Variants in BANK1 observed in about 807,000 individuals in gnomAD.
The protein encoded by BANK1 is B cell scaffold protein with ankyrin repeats 1.
In BANK1, 95 loss-of-function variants were observed where a neutral mutation model predicts 94.5. The observed-to-expected ratio is 1.00, with a 90% CI of 0.85 to 1.19. The LOEUF (loss-of-function observed/expected upper bound fraction) is 1.19, where lower values mean the gene tolerates loss of function less well. Among genes scored for constraint, BANK1 ranks in the 50% most tolerant of loss-of-function variants. BANK1 has a pLI of 0.00. For missense variants in BANK1, 987 were observed against 932.2 expected (o/e 1.06, Z -0.77); for synonymous variants, 334 against 308.4 (o/e 1.08, Z -0.87).
At chr4:101,950,018 G>GGT (rs6148602) in intron 7 of BANK1, among the ~76,000 whole-genome samples, 6,235 of 149,272 alleles carry the variant, frequency 0.042, 230 homozygotes, top group Admixed American at 0.13. Context: ...GGAAGTAAGG[G>GGT]GTGTGTGTGT....
intron 2 of BANK1, among the ~76,000 whole-genome samples, chr4:101,839,873 G>A (rs951751395): frequency 7.3e-6 from 1 of 137,128 alleles, no homozygotes; most frequent in Non-Finnish European, 1.6e-5. Flanking sequence ...AGACAAAGGA[G>A]ATATACAATT....
intron 1 of BANK1, among the ~76,000 whole-genome samples, chr4:101,810,654 C>T (rs1021182785): frequency 3.3e-5 from 5 of 152,108 alleles, no homozygotes; most frequent in African/African-American, 1.2e-4. Flanking sequence ...TATTTACAAT[C>T]AGTGGTTTTA....
chr4:101,805,203 G>A (rs1358139240), intron 1 of BANK1, among the ~76,000 whole-genome samples: 1 of 151,892 alleles, frequency 6.6e-6, no homozygotes, highest in Non-Finnish European at 1.5e-5. Context: ...CAAACATATG[G>A]GCTGTTAAGA....
chr4:101,816,174 G>C (rs866625597), intron 1 of BANK1, among the ~76,000 whole-genome samples: 3 of 152,234 alleles, frequency 2.0e-5, no homozygotes, highest in South Asian at 2.1e-4. Flanking sequence ...GTGGTCAAAG[G>C]CTTGTTATGC....
intron 1 of BANK1, among the ~76,000 whole-genome samples, chr4:101,809,578 T>C (rs1725674156): frequency 6.6e-6 from 1 of 152,098 alleles, no homozygotes; most frequent in African/African-American, 2.4e-5. Context: ...AATGGAAAGA[T>C]AATAATTTGC....
At chr4:101,968,237 T>C (rs1724828701) in intron 7 of BANK1, among the ~76,000 whole-genome samples, 1 of 151,990 alleles carries the variant, frequency 6.6e-6, no homozygotes, top group Non-Finnish European at 1.5e-5. Flanking sequence ...ATTTAACCTT[T>C]GGGAAGGGAA....
In BANK1 at chr4:101,907,489, T is replaced by C. The variant is rs1360716174; in HGVS notation, c.1010-10504T>C. ...AACTGGAAGCATTCCCTTTGAAAAC[T>C]GGCAAAAGACAGGGATGCCCTCTCT... On this transcript the variant is annotated intron_variant, in intron 6 of 16. Transcript: ENST00000322953. 1.3e-5 allele frequency among the ~76,000 whole-genome samples: 2 copies of C among 152,158 alleles called. 1 individual carries two copies. The highest frequency in any genetic ancestry group is 4.1e-4 in the South Asian group (2 of 4,830).
chr4:101,980,046 G>C (rs1188101034), intron 7 of BANK1, among the ~76,000 whole-genome samples: 2 of 151,680 alleles, frequency 1.3e-5, no homozygotes, highest in Non-Finnish European at 3.0e-5. Context: ...TCTAGATTTT[G>C]GGGAGATTAC....
intron 7 of BANK1, among the ~76,000 whole-genome samples, chr4:101,955,490 G>C (rs1003089574): frequency 6.6e-6 from 1 of 151,162 alleles, no homozygotes; most frequent in South Asian, 2.1e-4. Context: ...TTCCTTTGAT[G>C]CCATGAATTT....
chr4:101,840,849 C>T (rs1236036271), intron 2 of BANK1, among the ~76,000 whole-genome samples: 1 of 152,150 alleles, frequency 6.6e-6, no homozygotes. Context: ...GAGCTGGTCT[C>T]AGCATATTTT....
chr4:102,013,089 T>A (rs1726564903), intron 7 of BANK1, among the ~76,000 whole-genome samples: 1 of 152,150 alleles, frequency 6.6e-6, no homozygotes, highest in African/African-American at 2.4e-5. Flanking sequence ...AAAACTGATT[T>A]CAAGATTTTA....
At chr4:101,996,045 G>A (rs903397055) in intron 7 of BANK1, among the ~76,000 whole-genome samples, 3 of 152,106 alleles carry the variant, frequency 2.0e-5, no homozygotes, top group Admixed American at 1.3e-4. Flanking sequence ...GCAGGGTATT[G>A]CCTAGGTTTT....
chr4:101,822,858 G>A (rs897575711), intron 1 of BANK1, among the ~76,000 whole-genome samples: 5 of 151,908 alleles, frequency 3.3e-5, no homozygotes, highest in Admixed American at 1.3e-4. Context: ...CTCGTGATCC[G>A]CCCGCCTCGG....
intron 4 of BANK1, 106 bp from the exon 5 acceptor site, chr4:101,870,393 TGAGTAA>T: frequency 1.1e-6 from 1 of 935,024 alleles, no homozygotes; most frequent in Non-Finnish European, 1.5e-6. Flanking sequence ...GTGCTAGAGA[TGAGTAA>T]AAGTGTTATG....
In BANK1 at chr4:101,822,302, G is replaced by A. The variant is rs138990705; in HGVS notation, c.71-7506G>A. 6.6e-3 allele frequency among the ~76,000 whole-genome samples: 1,001 copies of A among 152,054 alleles called. 9 individuals are homozygous for A. The highest frequency in any genetic ancestry group is 0.023 in the African/African-American group (966 of 41,458). On this transcript the variant is annotated intron_variant, in intron 1 of 16. Transcript: ENST00000322953. Reference sequence around the variant, plus strand: ...GGACGATCGCTTAAGCCTGGGAGGCGGAGGTTGAACTGAGCCCCAAGATCA... The same window carrying A: ...GGACGATCGCTTAAGCCTGGGAGGCAGAGGTTGAACTGAGCCCCAAGATCA...
intron 1 of BANK1, among the ~76,000 whole-genome samples, chr4:101,825,384 T>G (rs1024642116): frequency 6.6e-6 from 1 of 152,140 alleles, no homozygotes; most frequent in African/African-American, 2.4e-5. Flanking sequence ...TTTTGGGGTC[T>G]GTGGTCCTAG....
At chr4:101,802,187 G>A (rs1241215513) in intron 1 of BANK1, among the ~76,000 whole-genome samples, 3 of 152,122 alleles carry the variant, frequency 2.0e-5, no homozygotes, top group Non-Finnish European at 2.9e-5. Flanking sequence ...AAAGGACCAC[G>A]CCCTTCCCAG....
intron 1 of BANK1, among the ~76,000 whole-genome samples, chr4:101,801,460 A>G (rs1285993647): frequency 6.6e-6 from 1 of 152,228 alleles, no homozygotes; most frequent in African/African-American, 2.4e-5. Context: ...AATGAAATAA[A>G]TTAGAAATTT....
chr4:101,961,193 A>G (rs1724557306), intron 7 of BANK1, among the ~76,000 whole-genome samples: 1 of 152,230 alleles, frequency 6.6e-6, no homozygotes, highest in Non-Finnish European at 1.5e-5. Flanking sequence ...AATGAACAGA[A>G]TTATATTGAG....
Sources: gnomAD v4.1 joint callset for allele counts (sites outside exome capture counted in the v4.1 genomes callset) on GRCh38, gnomAD v4.1.1 for gene constraint, MANE v1.5 for transcripts, NCBI Gene and HGNC (gene_info 2026-07-23, HGNC 2026-07-21) for gene names.